The following CERS1 variants were observed in gnomAD, a reference collection of about 807,000 sequenced individuals.
The protein encoded by CERS1 is Embryonic growth/differentiation factor 1.
Under a neutral mutation model 35.7 loss-of-function variants are expected in CERS1, and 16 were observed. The ratio of observed to expected loss-of-function variants is 0.45; its 90% CI spans 0.30 to 0.68. The LOEUF (loss-of-function observed/expected upper bound fraction) is 0.68, where lower values mean the gene tolerates loss of function less well. Among genes scored for constraint, CERS1 ranks in the 30% least tolerant of loss-of-function variants. The pLI, the probability that CERS1 is intolerant of heterozygous loss-of-function variation, is 0.08. For missense variants in CERS1, 454 were observed against 453.9 expected (o/e 1.00, Z 0.00); for synonymous variants, 243 against 201.6 (o/e 1.21, Z -1.74).
intron 6 of CERS1, among the ~76,000 whole-genome samples, chr19:18,876,446 A>T (rs1260524864): frequency 6.6e-6 from 1 of 151,702 alleles, no homozygotes; most frequent in South Asian, 2.1e-4. Flanking sequence ...GGCTTAAGTG[A>T]TCCTCCCACC....
rs2055940296 is a variant in CERS1, at chr19:18,870,144, A to G, written c.*433T>C. ...CCACATGACCGGGGGAACCGGCCGGAGCCTGGGGGCACCCTGGGGCTCATC... is the reference window on the plus strand; with the variant it reads ...CCACATGACCGGGGGAACCGGCCGGGGCCTGGGGGCACCCTGGGGCTCATC... On this transcript the variant is annotated 3_prime_UTR_variant, in exon 7 of 8. Coordinates refer to ENST00000623882, the MANE Select transcript of CERS1 (RefSeq NM_021267.5). The surrounding 1 kb of genome is among the most constrained non-coding windows in gnomAD (Gnocchi z 5.1). The G allele has an allele frequency of 6.4e-7, 1 of 1,563,964 alleles. No individual in the cohort carries two copies. The highest frequency in any genetic ancestry group is 8.6e-7 in the Non-Finnish European group (1 of 1,160,466).
Position 18,878,814 on chromosome 19 carries a change from G to A in CERS1, c.1010+116C>T. 2 of 1,494,064 alleles carry A rather than the reference G, an allele frequency of 1.3e-6. No individual in the cohort carries two copies. Among genetic ancestry groups the A allele is most frequent in the South Asian group, 2.6e-5 (2 of 76,880 alleles). 92.6% of individuals were successfully genotyped at this position (1,494,064 alleles called of 1,614,324 possible). A position where few individuals can be genotyped will look rare whatever the true frequency, so the allele number is the denominator to read the frequency against. On this transcript the variant is annotated intron_variant, in intron 6 of 7. Transcript: ENST00000623882. The surrounding 1 kb of genome is among the most constrained non-coding windows in gnomAD (Gnocchi z 4.6). ...GTCTCTGTTTTGGAGTAGGCTTGGG[G>A]GGCAGCATCCGCGTCGGCCTCATCT...
rs1227952846 is a variant in CERS1, at chr19:18,869,155, C to T, written c.*830G>A. On this transcript the variant is annotated 3_prime_UTR_variant, in exon 8 of 8. Transcript: ENST00000623882. ...CGCGCACTGGCGGCCCCAGGGCGGGCACCAACTGGCGGAGCAGCACCGGCC... is the reference window on the plus strand; with the variant it reads ...CGCGCACTGGCGGCCCCAGGGCGGGTACCAACTGGCGGAGCAGCACCGGCC... The T allele has an allele frequency of 2.0e-5, 23 of 1,130,314 alleles. No homozygotes were observed. The highest frequency in any genetic ancestry group is 2.4e-5 in the Non-Finnish European group (22 of 922,360). The allele number at this position is 1,130,314 out of a possible 1,614,324, so 70.0% of individuals were successfully genotyped here.
In CERS1 at chr19:18,870,234, G is replaced by A. The variant is rs2055943285; in HGVS notation, c.*343C>T. On this transcript the variant is annotated 3_prime_UTR_variant, in exon 7 of 8. Coordinates refer to ENST00000623882, the MANE Select transcript of CERS1 (RefSeq NM_021267.5). The surrounding 1 kb of genome is among the most constrained non-coding windows in gnomAD (Gnocchi z 5.1). ...TGGGGGCACGGGGGCGCGGGTCAGGGGCAGCGAGGGCAGCAGCAGGGCCAG... is the reference window on the plus strand; with the variant it reads ...TGGGGGCACGGGGGCGCGGGTCAGGAGCAGCGAGGGCAGCAGCAGGGCCAG... 4 of 1,552,718 alleles carry A rather than the reference G, an allele frequency of 2.6e-6. No homozygotes were observed. Among genetic ancestry groups the A allele is most frequent in the Non-Finnish European group, 3.5e-6 (4 of 1,152,580 alleles).
chr19:18,875,522 G>A (rs1476656092), intron 6 of CERS1, among the ~76,000 whole-genome samples: 5 of 149,928 alleles, frequency 3.3e-5, no homozygotes, highest in Admixed American at 6.6e-5. Context: ...CAGCCTGGGC[G>A]ACAGAGCGAG....
In CERS1 at chr19:18,880,316, G is replaced by A; in HGVS notation, c.710C>T (p.Ala237Val). 2 of 1,552,994 alleles carry A rather than the reference G, an allele frequency of 1.3e-6. No homozygotes were observed. The highest frequency in any genetic ancestry group is 1.7e-6 in the Non-Finnish European group (2 of 1,148,378). The change falls in exon 4 of 8, where the codon GCC becomes GTC. Residue 237 changes from alanine (A) to valine (V), a missense_variant. Transcript: ENST00000623882. ...GAGGCAGCCCAAGTCTGCTGCCAAG[G>A]CATGCAGCCGATGGTAGGAGCCGCC... ...SRGGSYHRLH[A>V]LAADLGCLSF...
chr19:18,888,097 C>T (rs941129302), intron 2 of CERS1, among the ~76,000 whole-genome samples: 5 of 152,128 alleles, frequency 3.3e-5, no homozygotes, highest in African/African-American at 1.2e-4. Flanking sequence ...AGGTGGCTCA[C>T]GCCTGTAATC....
chr19:18,879,170 GC>G lies in CERS1; in HGVS notation c.900+70del, dbSNP rs538625112. ...ACCTAACGTGCCCCTCCCCGGGACT[GC>G]CTGAGGAGGGGACAGGGATTGGGAC... On this transcript the variant is annotated intron_variant, in intron 5 of 7. Transcript: ENST00000623882. 130 of 1,603,392 alleles carry G rather than the reference GC, an allele frequency of 8.1e-5. No homozygotes were observed. In the African/African-American group the frequency reaches 1.5e-3, roughly 19 times the overall value.
intron 6 of CERS1, among the ~76,000 whole-genome samples, chr19:18,876,602 C>A (rs1046510213): frequency 2.7e-5 from 4 of 148,504 alleles, no homozygotes; most frequent in Admixed American, 6.7e-5. Context: ...CCAGGCTGGT[C>A]TTGAACACCT....
chr19:18,893,991 CAG>C (rs1568308238), intron 1 of CERS1, among the ~76,000 whole-genome samples: 1 of 150,954 alleles, frequency 6.6e-6, no homozygotes, highest in Non-Finnish European at 1.5e-5. Flanking sequence ...GGGACCGACA[CAG>C]AGGGGAGAGG....
At chr19:18,877,409 C>T (rs7259353) in intron 6 of CERS1, among the ~76,000 whole-genome samples, 59,254 of 151,970 alleles carry the variant, frequency 0.39, 11,724 homozygotes, top group South Asian at 0.53. Context: ...CTTTAGCCAT[C>T]GCCACCTTTG....
intron 3 of CERS1, chr19:18,881,942 T>C (rs2056221431): frequency 6.6e-6 from 1 of 152,264 alleles, no homozygotes; most frequent in Non-Finnish European, 1.5e-5. Context: ...CTTGAGTAGC[T>C]TGGACTACAG....
intron 7 of CERS1, among the ~76,000 whole-genome samples, chr19:18,869,746 G>A (rs1168290121): frequency 1.3e-5 from 2 of 151,938 alleles, no homozygotes; most frequent in Non-Finnish European, 2.9e-5. Flanking sequence ...GGCATGGGGT[G>A]GGGACAGGGC....
chr19:18,892,227 T>C lies in CERS1; in HGVS notation c.409+1189A>G, dbSNP rs936107890. On this transcript the variant is annotated intron_variant, in intron 2 of 7. Coordinates refer to ENST00000623882, the MANE Select transcript of CERS1 (RefSeq NM_021267.5). ...CATGTTTATCTCCTCACCAAGATGG[T>C]GCAAGCCGAGGGGACCCTCCCACCT... is the stretch of plus-strand genomic sequence containing the variant. Among the ~76,000 whole-genome samples, 5 of 151,592 alleles carry C rather than the reference T, an allele frequency of 3.3e-5. No individual in the cohort carries two copies. The East Asian group carries it at 7.8e-4, about 24-fold the overall frequency.
chr19:18,886,268 G>C (rs1049703365), intron 2 of CERS1, among the ~76,000 whole-genome samples: 2 of 152,050 alleles, frequency 1.3e-5, no homozygotes, highest in African/African-American at 4.8e-5. Flanking sequence ...AATTAGCTGG[G>C]GCCGGGCGCA....
In CERS1 at chr19:18,868,976, G is replaced by A. The variant is rs1184350399; in HGVS notation, c.*1009C>T. ...GGCGTCGCGCCGCGGCCGGGCCAGG[G>A]GGTGGCACAGGCGCGGGTCGAGGGT... On this transcript the variant is annotated 3_prime_UTR_variant, in exon 8 of 8. Transcript: ENST00000623882. The A allele has an allele frequency of 1.8e-6, 2 of 1,140,028 alleles. No homozygotes were observed. The highest frequency in any genetic ancestry group is 2.2e-6 in the Non-Finnish European group (2 of 929,522). 70.6% of individuals were successfully genotyped at this position (1,140,028 alleles called of 1,614,324 possible).
At chr19:18,892,592 C>T (rs1358665247) in intron 2 of CERS1, among the ~76,000 whole-genome samples, 1 of 151,956 alleles carries the variant, frequency 6.6e-6, no homozygotes, top group Non-Finnish European at 1.5e-5. Context: ...CTAGCCTGGG[C>T]GACAGAGCGA....
At chr19:18,892,440 C>T (rs2056513624) in intron 2 of CERS1, among the ~76,000 whole-genome samples, 1 of 151,844 alleles carries the variant, frequency 6.6e-6, no homozygotes, top group African/African-American at 2.4e-5. Flanking sequence ...CGGTGAAACC[C>T]CGTCTCTACT....
chr19:18,882,359 G>A (rs2056232475), intron 3 of CERS1, among the ~76,000 whole-genome samples: 2 of 151,892 alleles, frequency 1.3e-5, no homozygotes, highest in South Asian at 2.1e-4. Flanking sequence ...CTAACCAGAC[G>A]TGGTGGCTCA....
Sources: allele counts gnomAD v4.1 joint callset (sites outside exome capture counted in the v4.1 genomes callset), GRCh38; gene constraint gnomAD v4.1.1; non-coding constraint Gnocchi (gnomAD v3.1); transcripts MANE v1.5; gene names NCBI Gene and HGNC (gene_info 2026-07-23, HGNC 2026-07-21).